The following GTF2IRD1 variants were observed in gnomAD, a reference collection of about 807,000 sequenced individuals.
GTF2IRD1 encodes GTF2I repeat domain containing 1.
A neutral mutation model predicts 113.2 loss-of-function variants in GTF2IRD1; 26 were observed. The ratio of observed to expected loss-of-function variants is 0.23; its 90% CI spans 0.17 to 0.32. The LOEUF (loss-of-function observed/expected upper bound fraction) is 0.32, where lower values mean the gene tolerates loss of function less well. GTF2IRD1 is among the 10% of genes least tolerant of loss of function. GTF2IRD1 has a pLI of 1.00. For synonymous variants in GTF2IRD1, 484 were observed against 529.1 expected (o/e 0.91, Z 1.17); for missense variants, 864 against 1,280.8 (o/e 0.67, Z 4.97).
At chr7:74,537,433 AC>A (rs1334259911) in intron 11 of GTF2IRD1, among the ~76,000 whole-genome samples, 26 of 152,170 alleles carry the variant, frequency 1.7e-4, no homozygotes, top group African/African-American at 4.6e-4. Context: ...AACAAAAAAA[AC>A]ATGGATGCAT....
intron 1 of GTF2IRD1, among the ~76,000 whole-genome samples, chr7:74,467,110 G>A (rs781817644): frequency 7.2e-5 from 11 of 151,956 alleles, no homozygotes; most frequent in Non-Finnish European, 1.3e-4. Context: ...CAACACACCC[G>A]GCTAGTTTTT....
At chr7:74,463,551 G>A (rs1793512499) in intron 1 of GTF2IRD1, among the ~76,000 whole-genome samples, 2 of 151,834 alleles carry the variant, frequency 1.3e-5, no homozygotes, top group Admixed American at 6.6e-5. Flanking sequence ...CTTTAAGTGG[G>A]AGAACAGAAC....
Position 74,582,229 on chromosome 7 carries a change from G to A in GTF2IRD1, c.2321-7622G>A, listed in dbSNP as rs1170871242. Among the ~76,000 whole-genome samples the A allele has an allele frequency of 6.6e-5, 10 of 152,176 alleles. No homozygotes were observed. The South Asian group carries it at 8.3e-4, about 13-fold the overall frequency. ...CGTTGCCCTTTCCCCTGCAGGGCAC[G>A]GCTAGAGCACAGACACAAACCCAGT... On this transcript the variant is annotated intron_variant, in intron 22 of 26. Transcript: ENST00000424337.
chr7:74,454,261 G>GT (rs1333497744), intron 1 of GTF2IRD1, 85 bp downstream of exon 1: 2 of 63,710 alleles, frequency 3.1e-5, no homozygotes, highest in Non-Finnish European at 9.4e-5. Flanking sequence ...TCCGCCTCCG[G>GT]GGGGGGGGGT....
At chr7:74,465,492 G>A (rs1793649501) in intron 1 of GTF2IRD1, among the ~76,000 whole-genome samples, 1 of 152,174 alleles carries the variant, frequency 6.6e-6, no homozygotes, top group Non-Finnish European at 1.5e-5. Flanking sequence ...ACCTCTCTGA[G>A]CCTCATCTGA....
intron 1 of GTF2IRD1, among the ~76,000 whole-genome samples, chr7:74,485,097 G>T (rs980878162): frequency 2.0e-5 from 3 of 151,972 alleles, no homozygotes; most frequent in Non-Finnish European, 4.4e-5. Flanking sequence ...CTGACCAAGG[G>T]CCCGGAGCTG....
At chr7:74,473,685 C>T (rs1381374177) in intron 1 of GTF2IRD1, among the ~76,000 whole-genome samples, 2 of 152,062 alleles carry the variant, frequency 1.3e-5, no homozygotes, top group East Asian at 1.9e-4. Context: ...CAGACTGAAC[C>T]TCCTGGAGTC....
intron 4 of GTF2IRD1, among the ~76,000 whole-genome samples, 171 bp downstream of exon 4, chr7:74,515,767 A>G (rs1554344529): frequency 6.6e-6 from 1 of 151,990 alleles, no homozygotes; most frequent in Admixed American, 6.6e-5. Flanking sequence ...ATTCCCAGAC[A>G]CAGAAGTTCT....
At chr7:74,486,852 T>C (rs1554335666) in intron 1 of GTF2IRD1, among the ~76,000 whole-genome samples, 2 of 151,410 alleles carry the variant, frequency 1.3e-5, no homozygotes, top group African/African-American at 4.9e-5. Context: ...GGTTGTGTGC[T>C]CCTGTAATCC....
chr7:74,567,056 G>T (rs1360763460), intron 22 of GTF2IRD1, among the ~76,000 whole-genome samples: 1 of 152,122 alleles, frequency 6.6e-6, no homozygotes, highest in Non-Finnish European at 1.5e-5. Flanking sequence ...AGGGCCAGGC[G>T]CAGTGGCTCA....
At chr7:74,580,071 A>T (rs1801321017) in intron 22 of GTF2IRD1, among the ~76,000 whole-genome samples, 1 of 151,582 alleles carries the variant, frequency 6.6e-6, no homozygotes, top group African/African-American at 2.4e-5. Context: ...CAGTTATCTC[A>T]TCCATGAAAT....
intron 17 of GTF2IRD1, among the ~76,000 whole-genome samples, chr7:74,548,416 C>T (rs1332036470): frequency 5.4e-5 from 8 of 147,438 alleles, no homozygotes; most frequent in South Asian, 2.2e-4. Context: ...AGCGAGACTT[C>T]GTCTCAAAAA....
chr7:74,542,498 A>G (rs1327756510), intron 14 of GTF2IRD1, among the ~76,000 whole-genome samples: 1 of 152,262 alleles, frequency 6.6e-6, no homozygotes, highest in African/African-American at 2.4e-5. Flanking sequence ...CTGTGTTGCA[A>G]ACGTAATCAC....
At chr7:74,537,169 C>T (rs1798346800) in intron 11 of GTF2IRD1, among the ~76,000 whole-genome samples, 1 of 151,788 alleles carries the variant, frequency 6.6e-6, no homozygotes, top group Non-Finnish European at 1.5e-5. Flanking sequence ...CAGCACTTTG[C>T]GAGGCTGAGC....
intron 1 of GTF2IRD1, among the ~76,000 whole-genome samples, chr7:74,469,594 A>C (rs1395365347): frequency 6.6e-6 from 1 of 152,220 alleles, no homozygotes; most frequent in Non-Finnish European, 1.5e-5. Flanking sequence ...TCCACATTGT[A>C]GCGTGAGTCA....
At chr7:74,539,078 A>C (rs1239839986) in intron 13 of GTF2IRD1, among the ~76,000 whole-genome samples, 18 of 152,126 alleles carry the variant, frequency 1.2e-4, no homozygotes, top group African/African-American at 3.9e-4. Context: ...ACCCCCTGCC[A>C]AGCCTCATTT....
intron 16 of GTF2IRD1, 82 bp from the exon 17 acceptor site, chr7:74,547,021 C>A (rs1457396032): frequency 2.3e-6 from 3 of 1,317,246 alleles, no homozygotes; most frequent in African/African-American, 1.5e-5. Flanking sequence ...AGCTTTGCCC[C>A]CCGACACAGG....
intron 22 of GTF2IRD1, among the ~76,000 whole-genome samples, chr7:74,560,545 A>C (rs1799888636): frequency 6.8e-6 from 1 of 147,260 alleles, no homozygotes; most frequent in Non-Finnish European, 1.5e-5. Flanking sequence ...ATTATATATA[A>C]TTAAAAATAT....
intron 1 of GTF2IRD1, among the ~76,000 whole-genome samples, chr7:74,483,040 C>T (rs1794830505): frequency 6.6e-6 from 1 of 152,150 alleles, no homozygotes; most frequent in African/African-American, 2.4e-5. Flanking sequence ...CTGTTAAGCC[C>T]ACAGGAGAGC....
Sources: allele counts gnomAD v4.1 joint callset (sites outside exome capture counted in the v4.1 genomes callset), GRCh38; gene constraint gnomAD v4.1.1; transcripts MANE v1.5; gene names NCBI Gene and HGNC (gene_info 2026-07-23, HGNC 2026-07-21).